CHODL: variants seen among roughly 807,000 people sequenced by gnomAD.
CHODL encodes transmembrane protein MT75.
CHODL carries 29 observed loss-of-function variants against 34.5 expected under a neutral mutation model. The observed-to-expected ratio is 0.84, with a 90% CI of 0.63 to 1.15. The LOEUF (loss-of-function observed/expected upper bound fraction) is 1.15, where lower values mean the gene tolerates loss of function less well. Among genes scored for constraint, CHODL ranks in the 50% most tolerant of loss-of-function variants. The probability of loss-of-function intolerance (pLI) is 0.00; values close to 1 mark genes in which losing one functional copy is unlikely to be tolerated. For synonymous variants in CHODL, 125 were observed against 116.1 expected (o/e 1.08, Z -0.49); for missense variants, 332 against 332.5 (o/e 1.00, Z 0.01).
Position 18,075,966 on chromosome 21 carries a change from G to A in CHODL, c.-45+47995G>A, listed in dbSNP as rs138790496. On this transcript the variant is annotated intron_variant, in intron 2 of 6. Transcript: ENST00000400127. Reference sequence around the variant, plus strand: ...AAGACAGCTGTTTACAAGTCAGGACGTGAGCCCTTCCCAGACACTGAATCT... The same window carrying A: ...AAGACAGCTGTTTACAAGTCAGGACATGAGCCCTTCCCAGACACTGAATCT... Among the ~76,000 whole-genome samples, 178 of 152,282 alleles carry A rather than the reference G, an allele frequency of 1.2e-3. 1 individual carries two copies. The highest frequency in any genetic ancestry group is 6.8e-3 in the Middle Eastern group (2 of 294).
At chr21:17,946,340 A>AC (rs1270578570) in intron 1 of CHODL, among the ~76,000 whole-genome samples, 2 of 151,880 alleles carry the variant, frequency 1.3e-5, no homozygotes, top group Non-Finnish European at 1.5e-5. Context: ...AATGGCGTGA[A>AC]CCCCCGGGGG....
chr21:18,016,972 T>C (rs117177518), intron 1 of CHODL, among the ~76,000 whole-genome samples: 7 of 152,244 alleles, frequency 4.6e-5, no homozygotes, highest in African/African-American at 1.7e-4. Flanking sequence ...TTTATCCCAT[T>C]TGGAAGAGGA....
intron 2 of CHODL, among the ~76,000 whole-genome samples, chr21:18,195,028 A>ATT (rs752194354): frequency 6.9e-6 from 1 of 144,014 alleles, no homozygotes; most frequent in Non-Finnish European, 1.5e-5. Context: ...AATACAATAC[A>ATT]TTATTTATTT....
chr21:17,995,961 A>G (rs1486285569), intron 1 of CHODL, among the ~76,000 whole-genome samples: 6 of 152,172 alleles, frequency 3.9e-5, no homozygotes, highest in African/African-American at 1.2e-4. Flanking sequence ...TACTTTTTCA[A>G]TATGATCACT....
chr21:18,130,354 A>T (rs1353758184), intron 2 of CHODL, among the ~76,000 whole-genome samples: 1 of 152,244 alleles, frequency 6.6e-6, no homozygotes, highest in East Asian at 1.9e-4. Context: ...TCATCCACAT[A>T]GGTGGCTGGT....
chr21:18,222,750 C>T (rs140532998), intron 2 of CHODL, among the ~76,000 whole-genome samples: 1 of 152,148 alleles, frequency 6.6e-6, no homozygotes, highest in Non-Finnish European at 1.5e-5. Context: ...CCCATAGAGG[C>T]TCTGTTTGAC....
intron 2 of CHODL, among the ~76,000 whole-genome samples, chr21:18,073,199 G>T (rs112772785): frequency 6.6e-4 from 100 of 152,188 alleles, no homozygotes; most frequent in Non-Finnish European, 1.1e-3. Context: ...TAGACAAAAC[G>T]TTAGCAACTT....
chr21:18,183,206 A>G (rs1274946252), intron 2 of CHODL, among the ~76,000 whole-genome samples: 1 of 152,184 alleles, frequency 6.6e-6, no homozygotes, highest in East Asian at 1.9e-4. Context: ...GTGGCCCCTA[A>G]AATACTTGTT....
intron 2 of CHODL, among the ~76,000 whole-genome samples, chr21:18,222,628 C>G (rs1355037591): frequency 6.6e-6 from 1 of 152,092 alleles, no homozygotes; most frequent in African/African-American, 2.4e-5. Context: ...GGGAGTCTCT[C>G]CTGGCTTCGA....
In CHODL at chr21:18,260,282, A is replaced by C; in HGVS notation, c.630A>C (p.Glu210Asp). 1 of 1,579,112 alleles carries C rather than the reference A, an allele frequency of 6.3e-7. No individual in the cohort carries two copies. The highest frequency in any genetic ancestry group is 1.2e-5 in the South Asian group (1 of 85,612). The change falls in exon 4 of 6, where the codon GAA (glutamate) becomes GAC (aspartate). Residue 210 changes from glutamate to aspartate, a missense_variant. Transcript: ENST00000299295. ...CCCATCAGAATGTGGTTGTTACTGA[A>C]GCAGGTAATTACTTCATGTGTCTTT... ...GDTHQNVVVT[E>D]AGIIPNLIYV...
At chr21:18,188,092 C>T (rs1414398369) in intron 2 of CHODL, among the ~76,000 whole-genome samples, 1 of 151,684 alleles carries the variant, frequency 6.6e-6, no homozygotes, top group African/African-American at 2.4e-5. Context: ...TTTTAGCAGC[C>T]TTTATTAAAA....
At chr21:18,152,205 C>A (rs753777525) in intron 2 of CHODL, among the ~76,000 whole-genome samples, 1 of 152,142 alleles carries the variant, frequency 6.6e-6, no homozygotes, top group Non-Finnish European at 1.5e-5. Context: ...CTGAACACCA[C>A]AATTCACTGG....
Position 18,194,862 on chromosome 21 carries a change from T to C in CHODL, c.-44-61647T>C, listed in dbSNP as rs1018199619. On this transcript the variant is annotated intron_variant, in intron 2 of 6. Coordinates refer to the CHODL transcript ENST00000400127. ...CAAAAAATTGCACTTATTTGTTGTG[T>C]ACAGCATGTTGTTTTGAAGTATGTA... is the stretch of plus-strand genomic sequence containing the variant. Among the ~76,000 whole-genome samples, 3 of 152,068 alleles carry C rather than the reference T, an allele frequency of 2.0e-5. 1 individual carries two copies. The highest frequency in any genetic ancestry group is 4.4e-5 in the Non-Finnish European group (3 of 68,000).
intron 2 of CHODL, among the ~76,000 whole-genome samples, chr21:18,201,009 C>A (rs2073644966): frequency 1.3e-5 from 2 of 152,084 alleles, no homozygotes; most frequent in Non-Finnish European, 2.9e-5. Flanking sequence ...AGACTTCTGG[C>A]CTTCAGAATC....
intron 2 of CHODL, among the ~76,000 whole-genome samples, chr21:18,123,071 G>A (rs916114228): frequency 1.4e-4 from 22 of 152,182 alleles, no homozygotes; most frequent in Admixed American, 1.0e-3. Flanking sequence ...GTAAGTAGCC[G>A]AAACTCTTTC....
At chr21:18,167,265 A>T (rs7283139) in intron 2 of CHODL, among the ~76,000 whole-genome samples, 141,557 of 141,680 alleles carry the variant, frequency 1, 70,717 homozygotes, top group Middle Eastern at 1. Context: ...GTATTTTGGA[A>T]GAAGGGGCAG....
intron 1 of CHODL, among the ~76,000 whole-genome samples, chr21:18,003,113 C>T (rs540532367): frequency 5.6e-4 from 80 of 141,896 alleles, no homozygotes; most frequent in Non-Finnish European, 1.0e-3. Flanking sequence ...GACAGCGAGA[C>T]TCCGTCTCAA....
At chr21:18,173,107 C>A (rs1025515733) in intron 2 of CHODL, among the ~76,000 whole-genome samples, 1 of 152,136 alleles carries the variant, frequency 6.6e-6, no homozygotes, top group Non-Finnish European at 1.5e-5. Context: ...CGTCTCTGAC[C>A]TCTATACCCT....
At chr21:18,074,968 G>C (rs905168475) in intron 2 of CHODL, among the ~76,000 whole-genome samples, 1 of 152,124 alleles carries the variant, frequency 6.6e-6, no homozygotes, top group Non-Finnish European at 1.5e-5. Flanking sequence ...TAAAGAGATA[G>C]TTACTAATGG....
Sources: allele counts gnomAD v4.1 joint callset (sites outside exome capture counted in the v4.1 genomes callset), GRCh38; gene constraint gnomAD v4.1.1; transcripts MANE v1.5; gene names NCBI Gene and HGNC (gene_info 2026-07-23, HGNC 2026-07-21).